UNC5A: variants seen among roughly 807,000 people sequenced by gnomAD.
UNC5A encodes the protein unc-5 netrin receptor A.
In UNC5A, 20 loss-of-function variants were observed where a neutral mutation model predicts 87.4. The observed-to-expected ratio is 0.23, with a 90% CI of 0.16 to 0.33. The LOEUF is 0.33. UNC5A is among the 10% of genes least tolerant of loss of function. The pLI, the probability that UNC5A is intolerant of heterozygous loss-of-function variation, is 1.00. For synonymous variants in UNC5A, 438 were observed against 482.3 expected (o/e 0.91, Z 1.20); for missense variants, 844 against 1,133.4 (o/e 0.74, Z 3.67).
Position 176,865,672 on chromosome 5 carries a change from G to C in UNC5A, c.293-2458G>C. 1 of 456,654 alleles carries C rather than the reference G, an allele frequency of 2.2e-6. No individual in the cohort carries two copies. The allele number at this position is 456,654 out of a possible 1,614,324, so 28.3% of individuals were successfully genotyped here. On this transcript the variant is annotated intron_variant, in intron 2 of 14. Coordinates refer to ENST00000329542, the MANE Select transcript of UNC5A (RefSeq NM_133369.3). The surrounding 1 kb of genome is among the most constrained non-coding windows in gnomAD (Gnocchi z 5.3). ...GCAGATACCACGGCAGTGGCGCCAC[G>C]CCGCCAAAGACCAAAGACCCCAAAC...
intron 1 of UNC5A, among the ~76,000 whole-genome samples, chr5:176,851,671 C>T (rs1757546446): frequency 6.6e-6 from 1 of 152,136 alleles, no homozygotes; most frequent in Admixed American, 6.5e-5. Context: ...CGGGTGGCCC[C>T]CGGAGAGGGG....
chr5:176,830,989 A>T (rs1757008479), intron 1 of UNC5A, among the ~76,000 whole-genome samples: 1 of 149,702 alleles, frequency 6.7e-6, no homozygotes, highest in South Asian at 2.1e-4. Context: ...TGTGTGTGTG[A>T]GATGGGAGGT....
chr5:176,855,694 G>A (rs1279253351), intron 1 of UNC5A, among the ~76,000 whole-genome samples: 1 of 152,222 alleles, frequency 6.6e-6, no homozygotes, highest in Non-Finnish European at 1.5e-5. Context: ...TCATCCTGTG[G>A]CACTCCCCAT....
Position 176,879,928 on chromosome 5 carries a change from A to G in UNC5A, c.*42A>G, listed in dbSNP as rs767195867. On this transcript the variant is annotated 3_prime_UTR_variant, in exon 15 of 15. Transcript: ENST00000329542. ...CACCTACACTCTCACCAGCTTTGGC[A>G]CCCACCAAGGACAGGCAGAAGCCGG... The G allele has an allele frequency of 6.3e-7, 1 of 1,586,272 alleles. No individual in the cohort carries two copies. Among genetic ancestry groups the G allele is most frequent in the South Asian group, 1.1e-5 (1 of 88,194 alleles).
intron 1 of UNC5A, among the ~76,000 whole-genome samples, chr5:176,833,044 C>T (rs1757065106): frequency 6.6e-6 from 1 of 152,250 alleles, no homozygotes; most frequent in Non-Finnish European, 1.5e-5. Context: ...GGTAGCCACT[C>T]TCAAACCCAG....
chr5:176,814,840 A>G (rs1052788258), intron 1 of UNC5A, among the ~76,000 whole-genome samples: 1 of 152,156 alleles, frequency 6.6e-6, no homozygotes, highest in African/African-American at 2.4e-5. Context: ...CTCTCTTTGC[A>G]GGCAGGGAGG....
In UNC5A at chr5:176,855,194, T is replaced by C. The variant is rs968009802; in HGVS notation, c.71-7430T>C. Among the ~76,000 whole-genome samples, 15 of 152,214 alleles carry C rather than the reference T, an allele frequency of 9.9e-5. 1 individual carries two copies. The highest frequency in any genetic ancestry group is 3.4e-4 in the African/African-American group (14 of 41,450). On this transcript the variant is annotated intron_variant, in intron 1 of 14. Transcript: ENST00000329542. ...TCTTCAAGCTCTTGCTTCAGACCTG[T>C]GAATAGCCTGCCTTTACCCTCAGCC...
intron 1 of UNC5A, among the ~76,000 whole-genome samples, chr5:176,854,851 T>C (rs1310445949): frequency 6.6e-6 from 1 of 152,146 alleles, no homozygotes; most frequent in African/African-American, 2.4e-5. Context: ...ATGGTGACAA[T>C]ATGATATTCA....
Position 176,848,110 on chromosome 5 carries a change from C to T in UNC5A, c.71-14514C>T, listed in dbSNP as rs544296286. Among the ~76,000 whole-genome samples, 1 of 149,840 alleles carries T rather than the reference C, an allele frequency of 6.7e-6. No individual in the cohort carries two copies. Among genetic ancestry groups the T allele is most frequent in the Non-Finnish European group, 1.5e-5 (1 of 67,320 alleles). On this transcript the variant is annotated intron_variant, in intron 1 of 14. Coordinates refer to ENST00000329542, the MANE Select transcript of UNC5A (RefSeq NM_133369.3). The surrounding 1 kb of genome is among the most constrained non-coding windows in gnomAD (Gnocchi z 5.8). ...TACTGACCAGCTGACCAGCAGCCCCCACGCTGCGGCCTCCTCCAGGCTGGT... is the reference window on the plus strand; with the variant it reads ...TACTGACCAGCTGACCAGCAGCCCCTACGCTGCGGCCTCCTCCAGGCTGGT...
chr5:176,863,674 C>T (rs201535772), intron 2 of UNC5A, among the ~76,000 whole-genome samples: 1 of 150,970 alleles, frequency 6.6e-6, no homozygotes, highest in Admixed American at 6.6e-5. Flanking sequence ...CCAGAAAGGA[C>T]TGGCAGAGAG....
rs1380522517 is a variant in UNC5A, at chr5:176,865,233, C to A, written c.292+2388C>A. On this transcript the variant is annotated intron_variant, in intron 2 of 14. Coordinates refer to ENST00000329542, the MANE Select transcript of UNC5A (RefSeq NM_133369.3). This position sits in a 1 kb window ranked among gnomAD's most constrained non-coding sequence, Gnocchi z 5.3. ...GCACAGCCAGAGAGCTGCTCTCCTG[C>A]AGCCTGGAAGCTCCAGTCCAGCCCC... is the stretch of plus-strand genomic sequence containing the variant. 1.3e-5 allele frequency among the ~76,000 whole-genome samples: 2 copies of A among 152,244 alleles called. No individual in the cohort carries two copies. The highest frequency in any genetic ancestry group is 4.8e-5 in the African/African-American group (2 of 41,462).
At chr5:176,862,079 G>C (rs1489597424) in intron 1 of UNC5A, among the ~76,000 whole-genome samples, 1 of 152,248 alleles carries the variant, frequency 6.6e-6, no homozygotes, top group East Asian at 1.9e-4. Flanking sequence ...AGGTATCTCA[G>C]ATTCCCAGAC....
intron 10 of UNC5A, 90 bp downstream of exon 10, chr5:176,877,793 G>A (rs1036144782): frequency 1.0e-4 from 151 of 1,511,312 alleles, no homozygotes; most frequent in Non-Finnish European, 1.2e-4. Flanking sequence ...GTCCTGAGCC[G>A]CACCCCCACC....
chr5:176,828,869 G>C (rs1162249554), intron 1 of UNC5A, among the ~76,000 whole-genome samples: 2 of 151,788 alleles, frequency 1.3e-5, no homozygotes, highest in Non-Finnish European at 2.9e-5. Flanking sequence ...GGTGGCTCAT[G>C]CCTGTAATTC....
chr5:176,860,155 G>A (rs749506362), intron 1 of UNC5A, among the ~76,000 whole-genome samples: 7 of 152,180 alleles, frequency 4.6e-5, no homozygotes, highest in African/African-American at 1.2e-4. Context: ...ACAGGCCAGC[G>A]CATTGTCTAC....
At chr5:176,814,558 C>T (rs537717207) in intron 1 of UNC5A, among the ~76,000 whole-genome samples, 1 of 152,336 alleles carries the variant, frequency 6.6e-6, no homozygotes, top group Admixed American at 6.5e-5. Context: ...AGCTTCAGTC[C>T]AGCCCCTCCC....
chr5:176,820,948 GCTT>G (rs1416229356), intron 1 of UNC5A, among the ~76,000 whole-genome samples: 1 of 152,178 alleles, frequency 6.6e-6, no homozygotes, highest in Non-Finnish European at 1.5e-5. Context: ...TTCCGCCAGT[GCTT>G]CTTCTTTCCT....
rs73340031 is a variant in UNC5A at position 176,818,257 on chromosome 5, G to T, written c.70+7437G>T. 3.4e-3 allele frequency among the ~76,000 whole-genome samples: 515 copies of T among 152,308 alleles called. 2 individuals carry two copies. Among genetic ancestry groups the T allele is most frequent in the African/African-American group, 0.011 (473 of 41,566 alleles). ...CCCATAACCCGAGCACCTCCTGCAG[G>T]CCGGGGCTTCCGATGCACCCGTGTC... On this transcript the variant is annotated intron_variant, in intron 1 of 14. Coordinates refer to ENST00000329542, the MANE Select transcript of UNC5A (RefSeq NM_133369.3).
intron 6 of UNC5A, among the ~76,000 whole-genome samples, chr5:176,873,309 T>C (rs963806911): frequency 2.0e-5 from 3 of 151,890 alleles, no homozygotes; most frequent in Non-Finnish European, 4.4e-5. Flanking sequence ...CAATTAAAGA[T>C]CTCTGTTGGA....
Sources: gnomAD v4.1 joint callset for allele counts (sites outside exome capture counted in the v4.1 genomes callset) on GRCh38, gnomAD v4.1.1 for gene constraint, Gnocchi (gnomAD v3.1) non-coding constraint, MANE v1.5 for transcripts, NCBI Gene and HGNC (gene_info 2026-07-23, HGNC 2026-07-21) for gene names.